The following RALYL variants were observed in gnomAD, a reference collection of about 807,000 sequenced individuals.
The protein encoded by RALYL is RALY RNA binding protein like, also known as RNA-binding Raly-like protein.
Under a neutral mutation model 35.1 loss-of-function variants are expected in RALYL, and 29 were observed. That is an observed-to-expected ratio of 0.83 (90% CI 0.61 to 1.13). The LOEUF is 1.13. RALYL is among the 50% of genes most tolerant of loss of function. RALYL has a pLI of 0.00. For missense variants in RALYL, 359 were observed against 360.4 expected, an observed-to-expected ratio of 1.00 and a Z score of 0.03; for synonymous variants, 120 against 127.6, an observed-to-expected ratio of 0.94 and a Z score of 0.40.
chr8:84,652,260 T>C (rs1409556077), intron 2 of RALYL, among the ~76,000 whole-genome samples: 1 of 152,122 alleles, frequency 6.6e-6, no homozygotes, highest in African/African-American at 2.4e-5. Flanking sequence ...AACTTAGAAA[T>C]TATCTCTCTA....
intron 1 of RALYL, among the ~76,000 whole-genome samples, chr8:84,195,198 G>A (rs117990142): frequency 0.02 from 3,011 of 152,116 alleles, 34 homozygotes; most frequent in Middle Eastern, 0.044. Context: ...TGTATATTTA[G>A]ACAATATTTG....
intron 3 of RALYL, among the ~76,000 whole-genome samples, chr8:84,794,065 G>A (rs949363279): frequency 1.3e-5 from 2 of 152,152 alleles, no homozygotes; most frequent in Non-Finnish European, 2.9e-5. Flanking sequence ...GAGACTGTGG[G>A]GCACAGGTGA....
intron 2 of RALYL, among the ~76,000 whole-genome samples, chr8:84,735,809 CGCGAGAGAGA>C (rs1409975986): frequency 0.03 from 3,517 of 119,096 alleles, 158 homozygotes; most frequent in African/African-American, 0.1. Context: ...TCATCCAAAC[CGCGAGAGAGA>C]GAGAGAGAGA....
At chr8:84,590,841 T>A (rs909307589) in intron 2 of RALYL, among the ~76,000 whole-genome samples, 1 of 152,174 alleles carries the variant, frequency 6.6e-6, no homozygotes, top group Non-Finnish European at 1.5e-5. Flanking sequence ...AGCTGTCTCC[T>A]CTGACTTTAA....
At chr8:84,773,875 C>A (rs1039977664) in intron 2 of RALYL, among the ~76,000 whole-genome samples, 4 of 152,130 alleles carry the variant, frequency 2.6e-5, no homozygotes, top group South Asian at 2.1e-4. Flanking sequence ...CTGAAAAATT[C>A]TTAGCGAAAA....
chr8:84,551,598 A>G (rs888322975), intron 2 of RALYL, among the ~76,000 whole-genome samples: 2 of 152,148 alleles, frequency 1.3e-5, no homozygotes, highest in South Asian at 4.1e-4. Flanking sequence ...GAATAGCTTG[A>G]TTTAAAAAAA....
intron 5 of RALYL, 135 bp downstream of exon 5, chr8:84,850,162 C>T: frequency 2.2e-6 from 1 of 453,160 alleles, no homozygotes; most frequent in Non-Finnish European, 3.9e-6. Context: ...ATACTAAATC[C>T]CAACAAAATA....
intron 1 of RALYL, among the ~76,000 whole-genome samples, chr8:84,475,374 C>A (rs943352853): frequency 3.3e-5 from 5 of 152,016 alleles, no homozygotes; most frequent in African/African-American, 1.2e-4. Context: ...TGCACATCAC[C>A]ATGCCCAGTT....
At chr8:84,841,247 G>A (rs535466622) in intron 4 of RALYL, among the ~76,000 whole-genome samples, 1 of 152,260 alleles carries the variant, frequency 6.6e-6, no homozygotes, top group South Asian at 2.1e-4. Flanking sequence ...GGCACACATA[G>A]GCTCAAAATA....
intron 1 of RALYL, among the ~76,000 whole-genome samples, chr8:84,236,263 T>C (rs1197968417): frequency 6.6e-6 from 1 of 152,196 alleles, no homozygotes; most frequent in East Asian, 1.9e-4. Context: ...CCCAGTGATA[T>C]AAAGTAACTC....
intron 1 of RALYL, among the ~76,000 whole-genome samples, chr8:84,203,912 A>C (rs113972302): frequency 1.3e-5 from 2 of 152,130 alleles, no homozygotes; most frequent in Non-Finnish European, 2.9e-5. Flanking sequence ...TCCAGAGAGT[A>C]TCTCACTATG....
chr8:84,498,853 A>G (rs1423490866), intron 1 of RALYL, among the ~76,000 whole-genome samples: 1 of 152,150 alleles, frequency 6.6e-6, no homozygotes, highest in Non-Finnish European at 1.5e-5. Context: ...AAATTTTAAT[A>G]ACTTTAAAAG....
intron 1 of RALYL, among the ~76,000 whole-genome samples, chr8:84,352,300 A>G (rs1851053247): frequency 6.7e-6 from 1 of 150,296 alleles, no homozygotes; most frequent in Non-Finnish European, 1.5e-5. Flanking sequence ...AACCTCTGAA[A>G]AAACTGAGGT....
At chr8:84,825,768 C>T (rs1328841643) in intron 4 of RALYL, among the ~76,000 whole-genome samples, 4 of 151,898 alleles carry the variant, frequency 2.6e-5, no homozygotes, top group African/African-American at 7.3e-5. Context: ...CTTGGGAGGC[C>T]GAGGCAGGAG....
At chr8:84,322,229 A>T (rs1844997042) in intron 1 of RALYL, among the ~76,000 whole-genome samples, 2 of 152,158 alleles carry the variant, frequency 1.3e-5, no homozygotes, top group Non-Finnish European at 2.9e-5. Context: ...TCTCAAGCTC[A>T]CATGAAGTAT....
At chr8:84,270,543 A>T (rs1033487051) in intron 1 of RALYL, among the ~76,000 whole-genome samples, 1 of 146,304 alleles carries the variant, frequency 6.8e-6, no homozygotes, top group Non-Finnish European at 1.5e-5. Context: ...TTAACCAGTG[A>T]CATGAAATTC....
intron 1 of RALYL, among the ~76,000 whole-genome samples, chr8:84,391,227 G>C (rs1449848428): frequency 3.3e-5 from 5 of 151,950 alleles, no homozygotes; most frequent in African/African-American, 1.2e-4. Flanking sequence ...GGCCAGAGGT[G>C]GTAGGTTGGT....
intron 2 of RALYL, chr8:84,706,007 G>A (rs954240772): frequency 3.3e-6 from 5 of 1,534,928 alleles, no homozygotes; most frequent in Non-Finnish European, 4.4e-6. Context: ...TTCTTAGAAA[G>A]TCTAATTTTT....
intron 1 of RALYL, among the ~76,000 whole-genome samples, chr8:84,355,708 G>A (rs1162428446): frequency 6.7e-6 from 1 of 150,098 alleles, no homozygotes; most frequent in Admixed American, 6.6e-5. Flanking sequence ...AGGCTTATGA[G>A]GATGGAAGTG....
Sources: allele counts gnomAD v4.1 joint callset (sites outside exome capture counted in the v4.1 genomes callset), GRCh38; gene constraint gnomAD v4.1.1; transcripts MANE v1.5; gene names NCBI Gene and HGNC (gene_info 2026-07-23, HGNC 2026-07-21).